The following MAF variants were observed in gnomAD, a reference collection of about 807,000 sequenced individuals.
The protein encoded by MAF is transcription factor Maf.
In MAF, 10 loss-of-function variants were observed where a neutral mutation model predicts 22.0. The observed-to-expected ratio is 0.45, with a 90% CI of 0.28 to 0.77. The LOEUF is 0.77. Among genes scored for constraint, MAF ranks in the 30% least tolerant of loss-of-function variants. The pLI, the probability that MAF is intolerant of heterozygous loss-of-function variation, is 0.12. For missense variants in MAF, 544 were observed against 548.4 expected (o/e 0.99, Z 0.08); for synonymous variants, 337 against 255.8 (o/e 1.32, Z -3.03).
At chr16:79,298,503 G>A in the MAF span, among the ~76,000 whole-genome samples, 1 of 152,242 alleles carries the variant, frequency 6.6e-6, no homozygotes, top group African/African-American at 2.4e-5. Context: ...CAACTGGGGA[G>A]GGGAAGAGGA....
chr16:79,587,222 C>G (rs553342933), intron 1 of MAF, among the ~76,000 whole-genome samples: 2 of 152,196 alleles, frequency 1.3e-5, no homozygotes, highest in African/African-American at 4.8e-5. Context: ...AAATGCTTTT[C>G]AAATCTTAAG....
At chr16:79,286,971 C>A in the MAF span, among the ~76,000 whole-genome samples, 1 of 152,164 alleles carries the variant, frequency 6.6e-6, no homozygotes, top group African/African-American at 2.4e-5. Flanking sequence ...GACAAAAAAA[C>A]CCTTTGGAAA....
the MAF span, among the ~76,000 whole-genome samples, chr16:79,469,437 T>G: frequency 6.6e-6 from 1 of 152,194 alleles, no homozygotes; most frequent in East Asian, 1.9e-4. Flanking sequence ...AGCAAGTAGT[T>G]ACCTCTCTGA....
At chr16:79,514,912 C>A in the MAF span, among the ~76,000 whole-genome samples, 9 of 152,234 alleles carry the variant, frequency 5.9e-5, no homozygotes, top group Admixed American at 5.9e-4. Context: ...AAGCCCTTTT[C>A]TTCCACTAGG....
chr16:79,253,650 G>C, the MAF span, among the ~76,000 whole-genome samples: 2 of 151,760 alleles, frequency 1.3e-5, no homozygotes, highest in African/African-American at 4.8e-5. Flanking sequence ...CTTCATCTTG[G>C]GCTCCACTGA....
At chr16:79,548,051 T>C in the MAF span, among the ~76,000 whole-genome samples, 1 of 152,196 alleles carries the variant, frequency 6.6e-6, no homozygotes, top group Non-Finnish European at 1.5e-5. Flanking sequence ...GTTGTTTTAA[T>C]AAACATATCA....
chr16:79,403,743 G>C, the MAF span, among the ~76,000 whole-genome samples: 1 of 152,150 alleles, frequency 6.6e-6, no homozygotes, highest in Non-Finnish European at 1.5e-5. Context: ...CCTAACATAG[G>C]AAAAACATAC....
the MAF span, among the ~76,000 whole-genome samples, chr16:79,279,975 C>T: frequency 1.3e-5 from 2 of 152,138 alleles, no homozygotes; most frequent in Non-Finnish European, 2.9e-5. Flanking sequence ...GAAGTGTTCT[C>T]GATGCTTTGA....
chr16:79,273,130 C>CATTT, the MAF span, among the ~76,000 whole-genome samples: 3 of 152,124 alleles, frequency 2.0e-5, no homozygotes, highest in African/African-American at 7.2e-5. Flanking sequence ...CCCTAAGATA[C>CATTT]ATTTAGTCAG....
At chr16:79,468,739 G>T in the MAF span, among the ~76,000 whole-genome samples, 3 of 152,134 alleles carry the variant, frequency 2.0e-5, no homozygotes, top group African/African-American at 7.2e-5. Flanking sequence ...TAGAGGAAGG[G>T]GGTGGCTGAG....
the MAF span, among the ~76,000 whole-genome samples, chr16:79,571,069 T>A: frequency 1.3e-5 from 2 of 151,594 alleles, no homozygotes. Context: ...CACTGATGAC[T>A]GTGTAGTTTG....
the MAF span, among the ~76,000 whole-genome samples, chr16:79,366,178 T>G: frequency 3.3e-5 from 5 of 152,216 alleles, no homozygotes; most frequent in African/African-American, 1.2e-4. Flanking sequence ...AGCCTGGGAA[T>G]AGTATCAGGA....
the MAF span, among the ~76,000 whole-genome samples, chr16:79,535,977 C>T: frequency 6.6e-6 from 1 of 152,200 alleles, no homozygotes. Flanking sequence ...ATTTTCTTTT[C>T]TCCCACAGTT....
the MAF span, among the ~76,000 whole-genome samples, chr16:79,291,799 A>G: frequency 1.4e-5 from 2 of 147,730 alleles, no homozygotes; most frequent in African/African-American, 5.0e-5. Context: ...GAACTGAGCT[A>G]GAAATTAGGT....
At chr16:79,368,594 T>C in the MAF span, among the ~76,000 whole-genome samples, 53 of 152,238 alleles carry the variant, frequency 3.5e-4, no homozygotes, top group Admixed American at 9.2e-4. Flanking sequence ...AATGTTGATG[T>C]CCTTTCCAAA....
the MAF span, among the ~76,000 whole-genome samples, chr16:79,402,542 G>T: frequency 6.6e-6 from 1 of 152,232 alleles, no homozygotes; most frequent in Admixed American, 6.5e-5. Flanking sequence ...GAGGTGGGGC[G>T]CTGGGTGGGG....
At chr16:79,254,443 C>T in the MAF span, among the ~76,000 whole-genome samples, 1 of 152,118 alleles carries the variant, frequency 6.6e-6, no homozygotes, top group Non-Finnish European at 1.5e-5. Context: ...CATTTGTTTG[C>T]AATTTTTACC....
At chr16:79,515,426 T>C in the MAF span, among the ~76,000 whole-genome samples, 4 of 152,214 alleles carry the variant, frequency 2.6e-5, no homozygotes, top group South Asian at 8.3e-4. Flanking sequence ...AGTACAGTAG[T>C]CAATGAATTT....
At chr16:79,220,382 T>A in the MAF span, among the ~76,000 whole-genome samples, 1 of 152,022 alleles carries the variant, frequency 6.6e-6, no homozygotes, top group Non-Finnish European at 1.5e-5. Context: ...GTAAATACTG[T>A]GGTACATTTT....
Sources: allele counts gnomAD v4.1 joint callset (sites outside exome capture counted in the v4.1 genomes callset), GRCh38; gene constraint gnomAD v4.1.1; transcripts MANE v1.5; gene names NCBI Gene and HGNC (gene_info 2026-07-23, HGNC 2026-07-21).